Variants in HTR3C observed in about 807,000 individuals in gnomAD.
The protein encoded by HTR3C is 5-hydroxytryptamine receptor 3C.
Under a neutral mutation model 40.5 loss-of-function variants are expected in HTR3C, and 32 were observed. The ratio of observed to expected loss-of-function variants is 0.79; its 90% CI spans 0.60 to 1.06. The LOEUF (loss-of-function observed/expected upper bound fraction) is 1.06, where lower values mean the gene tolerates loss of function less well. HTR3C is among the 50% of genes least tolerant of loss of function. The pLI, the probability that HTR3C is intolerant of heterozygous loss-of-function variation, is 0.00. For synonymous variants in HTR3C, 209 were observed against 217.1 expected (o/e 0.96, Z 0.33); for missense variants, 523 against 556.8 (o/e 0.94, Z 0.61).
In HTR3C at chr3:184,055,296, G is replaced by A. The variant is rs1345093545; in HGVS notation, c.235-16G>A. 4 of 1,594,060 alleles carry A rather than the reference G, an allele frequency of 2.5e-6. No homozygotes were observed. Among genetic ancestry groups the A allele is most frequent in the East Asian group, 4.5e-5 (2 of 44,800 alleles). ...CTTTTAACACTAATAATCCTGAGTG[G>A]AAATTTCCTTGTCAGGATGCACAGC... On this transcript the variant is annotated splice_polypyrimidine_tract_variant and intron_variant, in intron 2 of 8. Coordinates refer to ENST00000318351, the MANE Select transcript of HTR3C (RefSeq NM_130770.3).
intron 1 of HTR3C, 111 bp downstream of exon 1, chr3:184,053,258 T>C: frequency 1.3e-6 from 1 of 775,962 alleles, no homozygotes; most frequent in Non-Finnish European, 2.2e-6. Flanking sequence ...ATTTCTTCCA[T>C]AATGTCTGTG....
chr3:184,054,962 TG>T, intron 2 of HTR3C, 75 bp downstream of exon 2: 1 of 1,435,362 alleles, frequency 7.0e-7, no homozygotes. Flanking sequence ...CAACCCAACA[TG>T]GCCCTGGCCC....
In HTR3C at chr3:184,053,158, A is replaced by G; in HGVS notation, c.67+11A>G. The G allele has an allele frequency of 6.2e-7, 1 of 1,610,844 alleles. No individual in the cohort carries two copies. The highest frequency in any genetic ancestry group is 1.1e-5 in the South Asian group (1 of 91,004). ...GTCTTCTGCTTCAAGGTAAGATGGGACGAGAACAGGGAAGACCAGAGTGTG... is the reference window on the plus strand; with the variant it reads ...GTCTTCTGCTTCAAGGTAAGATGGGGCGAGAACAGGGAAGACCAGAGTGTG... On this transcript the variant is annotated intron_variant, in intron 1 of 8. Transcript: ENST00000318351.
chr3:184,058,919 T>C (rs1329405379), intron 6 of HTR3C, among the ~76,000 whole-genome samples: 1 of 152,096 alleles, frequency 6.6e-6, no homozygotes, highest in East Asian at 1.9e-4. Flanking sequence ...TGAGCTGAGA[T>C]AATGCCACTG....
intron 5 of HTR3C, among the ~76,000 whole-genome samples, chr3:184,058,025 G>T (rs1378583815): frequency 3.9e-5 from 6 of 152,090 alleles, no homozygotes; most frequent in Non-Finnish European, 8.8e-5. Context: ...GTGTCATGTG[G>T]CAGATTTGGA....
Position 184,054,728 on chromosome 3 carries a change from C to T in HTR3C, c.75C>T (p.Gly25=), listed in dbSNP as rs773852375. Residue 25 remains glycine (G), a synonymous_variant, in exon 2 of 9, where the codon GGC becomes GGT. Transcript: ENST00000318351. Reference sequence around the variant, plus strand: ...AGTCTCTGCTCTCTATAGGAAGAGGCGACGCTTTTACCATCAATTGCTCAG... The same window carrying T: ...AGTCTCTGCTCTCTATAGGAAGAGGTGACGCTTTTACCATCAATTGCTCAG... ...LTVSLLLQGR[G]DAFTINCSGF... is the part of the protein sequence containing the mutation. 3.5e-5 allele frequency: 55 copies of T among 1,592,908 alleles called. No homozygotes were observed. Among genetic ancestry groups the T allele is most frequent in the Middle Eastern group, 3.4e-4 (2 of 5,970 alleles).
At position 184,057,017 on chromosome 3, in the gene HTR3C, TTCACC is replaced by T. The variant is rs778824121; in HGVS notation, c.534_538del (p.Thr179GlnfsTer55). On this transcript the variant is annotated frameshift_variant, in exon 5 of 9. Coordinates refer to ENST00000318351, the MANE Select transcript of HTR3C (RefSeq NM_130770.3). LOFTEE classifies it high-confidence loss of function. ...CCCTTTTGACCAACAGAACTGTACC[TTCACC>T]TTCAGTTCTTTCCTCTACACAGGTA... The T allele has an allele frequency of 1.1e-5, 17 of 1,612,610 alleles. No homozygotes were observed. The highest frequency in any genetic ancestry group is 1.4e-5 in the Non-Finnish European group (16 of 1,179,052).
chr3:184,055,036 G>A, intron 2 of HTR3C, 149 bp downstream of exon 2: 2 of 764,346 alleles, frequency 2.6e-6, no homozygotes, highest in South Asian at 1.9e-5. Flanking sequence ...CCTATGCGAT[G>A]GAGAGGCACG....
rs71185686 is a variant in HTR3C, at chr3:184,055,884, C to CAAAAAAAAAAAAAA, written c.280-277_280-264dup. Among the ~76,000 whole-genome samples, 52 of 30,708 alleles carry CAAAAAAAAAAAAAA rather than the reference C, an allele frequency of 1.7e-3. 11 individuals are homozygous for CAAAAAAAAAAAAAA. The highest frequency in any genetic ancestry group is 2.1e-3 in the Non-Finnish European group (37 of 17,976). The allele number at this position is 30,708 out of a possible 152,430, so 20.1% of individuals were successfully genotyped here. On this transcript the variant is annotated intron_variant, in intron 3 of 8. Coordinates refer to ENST00000318351, the MANE Select transcript of HTR3C (RefSeq NM_130770.3). ...TCTTAGGAAGGTTGAAATAGCAACT[C>CAAAAAAAAAAAAAA]AAAAAAAAAAAAAAAAAAAAAAAAA... is the stretch of plus-strand genomic sequence containing the variant.
chr3:184,058,045 A>G (rs6794223), intron 5 of HTR3C, among the ~76,000 whole-genome samples: 14,522 of 152,182 alleles, frequency 0.095, 856 homozygotes, highest in African/African-American at 0.17. Context: ...ATAAACTAAA[A>G]CCATCAAAAT....
chr3:184,054,643 C>G, intron 1 of HTR3C, 78 bp from the exon 2 acceptor site: 1 of 1,264,526 alleles, frequency 7.9e-7, no homozygotes, highest in South Asian at 1.6e-5. Flanking sequence ...TCAGTACGTC[C>G]CCTATTTTAT....
In HTR3C at chr3:184,056,210, A is replaced by C; in HGVS notation, c.313A>C (p.Lys105Gln). 6.2e-7 allele frequency: 1 copy of C among 1,613,944 alleles called. No individual in the cohort carries two copies. The highest frequency in any genetic ancestry group is 8.5e-7 in the Non-Finnish European group (1 of 1,179,808). The change falls in exon 4 of 9, where the codon AAA (lysine) becomes CAA (glutamine). Residue 105 changes from lysine (K) to glutamine (Q), a missense_variant. Coordinates refer to ENST00000318351, the MANE Select transcript of HTR3C (RefSeq NM_130770.3). ...WDNPFINWNPKECVGINKLTV... is the reference protein window; with the variant it reads ...WDNPFINWNPQECVGINKLTV... ...CAATCCTTTCATTAATTGGAACCCA[A>C]AAGAGTGTGTTGGCATCAATAAACT...
chr3:184,055,834 A>G (rs1723311472), intron 3 of HTR3C, among the ~76,000 whole-genome samples: 1 of 130,676 alleles, frequency 7.7e-6, no homozygotes, highest in Non-Finnish European at 1.6e-5. Context: ...TGGACTCACC[A>G]TGGGGACCCA....
At chr3:184,056,387 C>G in intron 4 of HTR3C, 101 bp downstream of exon 4, 1 of 784,988 alleles carries the variant, frequency 1.3e-6, no homozygotes, top group African/African-American at 1.7e-5. Flanking sequence ...CAGACAGGCA[C>G]ACAGTCTCAA....
chr3:184,056,320 C>G (rs755047521), intron 4 of HTR3C, 34 bp downstream of exon 4: 1 of 1,436,164 alleles, frequency 7.0e-7, no homozygotes, highest in Non-Finnish European at 9.8e-7. Context: ...CAGCGTGAAA[C>G]CTCATCTGCC....
Position 184,056,289 on chromosome 3 carries a change from G to A in HTR3C, c.389+3G>A. On this transcript the variant is annotated splice_donor_region_variant and intron_variant, in intron 4 of 8. Transcript: ENST00000318351. ...CCAGACATCTTCATCGTGGAATCGTGCGTATGCAGGCTGGGGAAGCCAGCG... is the reference window on the plus strand; with the variant it reads ...CCAGACATCTTCATCGTGGAATCGTACGTATGCAGGCTGGGGAAGCCAGCG... The A allele has an allele frequency of 6.2e-7, 1 of 1,600,212 alleles. No individual in the cohort carries two copies.
Position 184,059,880 on chromosome 3 carries a change from C to T in HTR3C, c.978C>T (p.Thr326=), listed in dbSNP as rs751045506. Residue 326 remains threonine, a synonymous_variant, in exon 8 of 9, where the codon ACC becomes ACT. Coordinates refer to ENST00000318351, the MANE Select transcript of HTR3C (RefSeq NM_130770.3). ...TGATGGTGGTCAGCCTGCTGGAGAC[C>T]GTCTTCATTACCTACCTGCTGCACG... is the stretch of plus-strand genomic sequence containing the variant. ...LSLMVVSLLE[T]VFITYLLHVA... 5 of 1,613,874 alleles carry T rather than the reference C, an allele frequency of 3.1e-6. No individual in the cohort carries two copies. Among genetic ancestry groups the T allele is most frequent in the East Asian group, 2.2e-5 (1 of 44,894 alleles).
rs148698898 is a variant in HTR3C at position 184,060,162 on chromosome 3, C to A, written c.1154C>A (p.Pro385Gln). 6.2e-7 allele frequency: 1 copy of A among 1,613,902 alleles called. No individual in the cohort carries two copies. Among genetic ancestry groups the A allele is most frequent in the East Asian group, 2.2e-5 (1 of 44,862 alleles). Residue 385 changes from proline (P) to glutamine (Q), a missense_variant, in exon 9 of 9, where the codon CCG becomes CAG. Pro to Gln is a moderately conservative substitution (Grantham distance 76). Transcript: ENST00000318351. The stretch of plus-strand genomic sequence containing the variant: ...GTCCTCTCCACAGGCCCAAAGGAGC[C>A]GGGGGAGTTAGCAGGGAAGAAGCTG... ...TLTHLPGPKEPGELAGKKLGP... is the reference protein window; with the variant it reads ...TLTHLPGPKEQGELAGKKLGP...
chr3:184,055,943 G>A (rs929037721), intron 3 of HTR3C, among the ~76,000 whole-genome samples: 1 of 142,414 alleles, frequency 7.0e-6, no homozygotes, highest in African/African-American at 2.6e-5. Context: ...TATTGGTGTG[G>A]TCCTAACTCC....
Sources: allele counts gnomAD v4.1 joint callset (sites outside exome capture counted in the v4.1 genomes callset), GRCh38; gene constraint gnomAD v4.1.1; transcripts MANE v1.5; gene names NCBI Gene and HGNC (gene_info 2026-07-23, HGNC 2026-07-21).